The following ORC4 variants were observed in gnomAD, a reference collection of about 807,000 sequenced individuals.
The protein encoded by ORC4 is origin recognition complex, subunit 4 homolog.
In ORC4, 55 loss-of-function variants were observed where a neutral mutation model predicts 63.9. The ratio of observed to expected loss-of-function variants is 0.86; its 90% confidence interval spans 0.69 to 1.08. The LOEUF is 1.08. Among genes scored for constraint, ORC4 ranks in the 50% least tolerant of loss-of-function variants. The pLI, the probability that ORC4 is intolerant of heterozygous loss-of-function variation, is 0.00. For synonymous variants in ORC4, 150 were observed against 168.5 expected, an observed-to-expected ratio of 0.89 and a Z score of 0.85; for missense variants, 511 against 504.4, an observed-to-expected ratio of 1.01 and a Z score of -0.13.
At chr2:148,007,131 T>C (rs1287688504) in intron 1 of ORC4, among the ~76,000 whole-genome samples, 1 of 152,170 alleles carries the variant, frequency 6.6e-6, no homozygotes, top group Non-Finnish European at 1.5e-5. Flanking sequence ...TCTGCTTTGA[T>C]TTCCTGGAAA....
chr2:147,938,363 A>T lies in ORC4; in HGVS notation c.989T>A (p.Ile330Lys). The T allele has an allele frequency of 6.2e-7, 1 of 1,605,344 alleles. No individual in the cohort carries two copies. Among genetic ancestry groups the T allele is most frequent in the African/African-American group, 1.3e-5 (1 of 74,846 alleles). Residue 330 changes from isoleucine to lysine, a missense_variant, in exon 12 of 14, where the codon ATA (isoleucine) becomes AAA (lysine). Physicochemically the swap from Ile to Lys is moderately radical, Grantham distance 102. Coordinates refer to ENST00000392857, the MANE Select transcript of ORC4 (RefSeq NM_181741.4). ...GLSVLEICLI[I>K]AMKHLNDIYE... ...GATGTCATTTAAATGTTTCATTGCT[A>T]TTATAAGACAGATTTCCAAGACTGA...
intron 4 of ORC4, among the ~76,000 whole-genome samples, chr2:147,960,049 A>G (rs892659678): frequency 1.3e-5 from 2 of 151,896 alleles, no homozygotes; most frequent in African/African-American, 4.8e-5. Context: ...ATCTCTTGAT[A>G]TTTTGCTTAA....
At chr2:147,940,569 G>A (rs1688311748) in intron 10 of ORC4, among the ~76,000 whole-genome samples, 1 of 151,720 alleles carries the variant, frequency 6.6e-6, no homozygotes, top group South Asian at 2.1e-4. Flanking sequence ...AGAAACTGTG[G>A]TATATATATA....
intron 1 of ORC4, among the ~76,000 whole-genome samples, chr2:148,013,515 A>T (rs934098597): frequency 2.0e-5 from 3 of 152,230 alleles, no homozygotes; most frequent in African/African-American, 4.8e-5. Context: ...TCAGTAGCAC[A>T]ATATAGTAAT....
chr2:147,952,603 C>T, intron 7 of ORC4, 79 bp from the exon 8 acceptor site: 2 of 1,180,438 alleles, frequency 1.7e-6, no homozygotes, highest in Non-Finnish European at 2.5e-6. Context: ...TACTATATTT[C>T]AGTTTTTAAA....
intron 1 of ORC4, among the ~76,000 whole-genome samples, chr2:147,997,575 A>T (rs1692046206): frequency 6.6e-6 from 1 of 152,122 alleles, no homozygotes; most frequent in South Asian, 2.1e-4. Flanking sequence ...AGTATTTAAT[A>T]TAATGAAAAC....
intron 10 of ORC4, among the ~76,000 whole-genome samples, chr2:147,941,641 A>G (rs1688369438): frequency 6.6e-6 from 1 of 152,086 alleles, no homozygotes; most frequent in South Asian, 2.1e-4. Flanking sequence ...GTAGAATCCC[A>G]TATGACAAAA....
chr2:148,012,839 T>C (rs147906094), intron 1 of ORC4, among the ~76,000 whole-genome samples: 520 of 152,086 alleles, frequency 3.4e-3, no homozygotes, highest in East Asian at 8.3e-3. Flanking sequence ...ATGAAAAAAA[T>C]GTTCCACATT....
At chr2:148,019,644 T>C (rs147532820) in intron 1 of ORC4, among the ~76,000 whole-genome samples, 1 of 152,296 alleles carries the variant, frequency 6.6e-6, no homozygotes, top group African/African-American at 2.4e-5. Context: ...ACCAACATAA[T>C]AAATACGAAG....
chr2:147,966,755 T>C (rs1025309139), intron 4 of ORC4, among the ~76,000 whole-genome samples: 1 of 152,146 alleles, frequency 6.6e-6, no homozygotes, highest in African/African-American at 2.4e-5. Context: ...ATGGCTTTGC[T>C]GCTGAATTCT....
intron 7 of ORC4, among the ~76,000 whole-genome samples, chr2:147,954,822 A>G (rs958520543): frequency 6.6e-5 from 10 of 152,138 alleles, no homozygotes; most frequent in South Asian, 4.1e-4. Context: ...AGAAAAAGGT[A>G]TTATCAAATA....
intron 13 of ORC4, chr2:147,936,290 C>T (rs1688046628): frequency 6.5e-6 from 1 of 153,408 alleles, no homozygotes; most frequent in Non-Finnish European, 1.4e-5. Flanking sequence ...CTGACTGAGA[C>T]TGTCACAACC....
At chr2:147,956,808 C>A (rs1689276529) in intron 6 of ORC4, among the ~76,000 whole-genome samples, 1 of 151,848 alleles carries the variant, frequency 6.6e-6, no homozygotes, top group Admixed American at 6.6e-5. Context: ...AAAAAATTGT[C>A]ATTTTTATTA....
chr2:147,971,178 C>T (rs1028365641), intron 4 of ORC4, among the ~76,000 whole-genome samples: 3 of 151,708 alleles, frequency 2.0e-5, no homozygotes, highest in Admixed American at 2.0e-4. Context: ...AACTACTCTA[C>T]CAAAGATACA....
intron 4 of ORC4, among the ~76,000 whole-genome samples, chr2:147,963,969 C>T (rs530944701): frequency 2.5e-4 from 38 of 152,192 alleles, no homozygotes; most frequent in African/African-American, 8.4e-4. Flanking sequence ...TACTTCCTTA[C>T]GAGATCAATT....
chr2:147,955,253 T>C, intron 7 of ORC4, 94 bp downstream of exon 7: 1 of 801,184 alleles, frequency 1.2e-6, no homozygotes, highest in Non-Finnish European at 2.1e-6. Context: ...ATGAGAGCTT[T>C]TTTTTTTGGC....
chr2:147,933,626 T>C lies in ORC4; in HGVS notation c.*1884A>G, dbSNP rs1384198337. ...AGTGACATCTTAAGCTAATAAGAAATTGGAATCCTCAAGTCATTTCATGAG... is the reference window on the plus strand; with the variant it reads ...AGTGACATCTTAAGCTAATAAGAAACTGGAATCCTCAAGTCATTTCATGAG... On this transcript the variant is annotated 3_prime_UTR_variant, in exon 14 of 14. Transcript: ENST00000392857. 1.3e-5 allele frequency: 2 copies of C among 152,062 alleles called. No individual in the cohort carries two copies. Among genetic ancestry groups the C allele is most frequent in the Non-Finnish European group, 2.9e-5 (2 of 67,988 alleles). 9.4% of individuals were successfully genotyped at this position (152,062 alleles called of 1,614,324 possible). A position where few individuals can be genotyped will look rare whatever the true frequency, so the allele number is the denominator to read the frequency against.
rs2307397 is a variant in ORC4 at position 147,972,798 on chromosome 2, G to C, written c.166C>G (p.Leu56Val). The C allele has an allele frequency of 0.045, 73,195 of 1,610,564 alleles. 1,929 individuals are homozygous for C. The highest frequency in any genetic ancestry group is 0.061 in the Middle Eastern group (371 of 6,056). ...AGGACAGAGTTACTCTCTCCATGGAGAGCAGTTCTTTTCAGCAGCTCACTT... is the reference window on the plus strand; with the variant it reads ...AGGACAGAGTTACTCTCTCCATGGACAGCAGTTCTTTTCAGCAGCTCACTT... ...HLSELLKRTALHGESNSVLII... is the reference protein window; with the variant it reads ...HLSELLKRTAVHGESNSVLII... The change falls in exon 4 of 14, where the codon CTC (leucine) becomes GTC (valine). Residue 56 changes from leucine to valine, a missense_variant. Transcript: ENST00000392857.
chr2:147,962,315 G>A (rs1689643131), intron 4 of ORC4, among the ~76,000 whole-genome samples: 2 of 152,130 alleles, frequency 1.3e-5, no homozygotes, highest in Non-Finnish European at 2.9e-5. Context: ...TCAAGCAGTT[G>A]CATTGCTCCA....
Sources: allele counts gnomAD v4.1 joint callset (sites outside exome capture counted in the v4.1 genomes callset), GRCh38; gene constraint gnomAD v4.1.1; transcripts MANE v1.5; gene names NCBI Gene and HGNC (gene_info 2026-07-23, HGNC 2026-07-21).